OPRD1: variants seen among roughly 807,000 people sequenced by gnomAD.
OPRD1 encodes the protein delta-type opioid receptor.
In OPRD1, 19 loss-of-function variants were observed where a neutral mutation model predicts 17.5. The observed-to-expected ratio is 1.09, with a 90% CI of 0.76 to 1.60. The LOEUF (loss-of-function observed/expected upper bound fraction) is 1.60, where lower values mean the gene tolerates loss of function less well. Among genes scored for constraint, OPRD1 ranks in the 40% most tolerant of loss-of-function variants. OPRD1 has a pLI of 0.00. For synonymous variants in OPRD1, 256 were observed against 240.9 expected (o/e 1.06, Z -0.58); for missense variants, 483 against 547.2 (o/e 0.88, Z 1.17).
In OPRD1 at chr1:28,858,954, G is replaced by C. The variant is rs754696931; in HGVS notation, c.228G>C (p.Arg76=). The C allele has an allele frequency of 1.9e-6, 3 of 1,607,222 alleles. No homozygotes were observed. The highest frequency in any genetic ancestry group is 3.3e-5 in the Admixed American group (2 of 59,980). ...AATTACACATGCATTTCTTTCTAAG[G>C]TACACTAAGATGAAGACGGCCACCA... The part of the protein sequence containing the change: ...GNVLVMFGIV[R]YTKMKTATNI... Residue 76 remains arginine (R), a splice_region_variant and synonymous_variant, in exon 2 of 3, where the codon CGG becomes CGC. Coordinates refer to ENST00000234961, the MANE Select transcript of OPRD1 (RefSeq NM_000911.4).
intron 1 of OPRD1, among the ~76,000 whole-genome samples, chr1:28,832,500 C>T (rs866365576): frequency 5.9e-5 from 9 of 152,012 alleles, no homozygotes; most frequent in Non-Finnish European, 1.2e-4. Context: ...ACCTGTAGTC[C>T]CAACTTCTTG....
intron 1 of OPRD1, among the ~76,000 whole-genome samples, chr1:28,823,529 T>C (rs573027659): frequency 3.8e-4 from 58 of 152,176 alleles, no homozygotes; most frequent in African/African-American, 1.3e-3. Context: ...CCTGAGTAGC[T>C]GGGATTACAG....
chr1:28,848,369 A>G (rs540174614), intron 1 of OPRD1, among the ~76,000 whole-genome samples: 17 of 152,164 alleles, frequency 1.1e-4, no homozygotes, highest in African/African-American at 3.6e-4. Context: ...GCCATTGTTG[A>G]CCTTCTAATC....
intron 1 of OPRD1, among the ~76,000 whole-genome samples, chr1:28,858,544 CTTT>C (rs1168180514): frequency 2.2e-5 from 3 of 133,524 alleles, no homozygotes; most frequent in African/African-American, 8.4e-5. Flanking sequence ...TGCCCCAACC[CTTT>C]TTTTTTTTTT....
rs1218864880 is a variant in OPRD1 at position 28,812,533 on chromosome 1, C to A, written c.150C>A (p.Ile50=). The change falls in exon 1 of 3, where the codon ATC becomes ATA. Residue 50 remains isoleucine (I), a synonymous_variant. Transcript: ENST00000234961. ...ARSASSLALA[I]AITALYSAVC... ...GCGCCTCGTCCCTCGCCCTGGCAAT[C>A]GCCATCACCGCGCTCTACTCGGCCG... is the stretch of plus-strand genomic sequence containing the variant. 1 of 1,583,460 alleles carries A rather than the reference C, an allele frequency of 6.3e-7. No homozygotes were observed.
At chr1:28,860,639 C>T (rs1474900744) in intron 2 of OPRD1, among the ~76,000 whole-genome samples, 1 of 152,192 alleles carries the variant, frequency 6.6e-6, no homozygotes. Flanking sequence ...GGCAGGGACT[C>T]CTACCTCCAT....
intron 1 of OPRD1, among the ~76,000 whole-genome samples, chr1:28,838,455 T>C (rs1557573408): frequency 6.6e-6 from 1 of 152,046 alleles, no homozygotes; most frequent in Non-Finnish European, 1.5e-5. Context: ...AGTTTCCCCA[T>C]CTGTAAAGTG....
intron 1 of OPRD1, among the ~76,000 whole-genome samples, chr1:28,850,278 CA>C (rs2088989467): frequency 1.3e-5 from 2 of 152,046 alleles, no homozygotes; most frequent in Admixed American, 1.3e-4. Flanking sequence ...CACTTGAACC[CA>C]GGAGTTCGAG....
At chr1:28,823,015 T>A (rs1161413310) in intron 1 of OPRD1, among the ~76,000 whole-genome samples, 1 of 151,984 alleles carries the variant, frequency 6.6e-6, no homozygotes, top group Admixed American at 6.6e-5. Flanking sequence ...ATGAACAATT[T>A]ACCATCCTCT....
chr1:28,829,882 T>A (rs968278934), intron 1 of OPRD1, among the ~76,000 whole-genome samples: 5 of 151,910 alleles, frequency 3.3e-5, no homozygotes, highest in African/African-American at 1.2e-4. Flanking sequence ...GCTAATTTTT[T>A]AATTTTTTGT....
intron 1 of OPRD1, among the ~76,000 whole-genome samples, chr1:28,836,237 C>T (rs913572769): frequency 3.3e-5 from 5 of 152,054 alleles, no homozygotes; most frequent in Non-Finnish European, 7.4e-5. Context: ...ACATTTCAGC[C>T]AGGCGCGGTG....
At chr1:28,860,362 TAA>T (rs1553151572) in intron 2 of OPRD1, among the ~76,000 whole-genome samples, 907 of 49,432 alleles carry the variant, frequency 0.018, 7 homozygotes, top group African/African-American at 0.031. Flanking sequence ...GGGACTTGTC[TAA>T]AAAAAAAAAA....
At chr1:28,818,622 C>G (rs1011951477) in intron 1 of OPRD1, among the ~76,000 whole-genome samples, 1 of 152,150 alleles carries the variant, frequency 6.6e-6, no homozygotes, top group Non-Finnish European at 1.5e-5. Flanking sequence ...GCTGCAGGGA[C>G]AAAAGCAGGA....
At chr1:28,837,579 C>T (rs1016181788) in intron 1 of OPRD1, among the ~76,000 whole-genome samples, 9 of 151,900 alleles carry the variant, frequency 5.9e-5, no homozygotes, top group Non-Finnish European at 1.0e-4. Flanking sequence ...ACCCAGGAGG[C>T]GGAGCTTGCA....
At chr1:28,825,189 A>C (rs1037664537) in intron 1 of OPRD1, among the ~76,000 whole-genome samples, 6 of 152,082 alleles carry the variant, frequency 3.9e-5, no homozygotes, top group Non-Finnish European at 8.8e-5. Flanking sequence ...TGTCAAGTTC[A>C]GCCCCTCTGA....
At chr1:28,824,179 C>CAA (rs759567245) in intron 1 of OPRD1, among the ~76,000 whole-genome samples, 9 of 82,292 alleles carry the variant, frequency 1.1e-4, no homozygotes, top group Admixed American at 6.8e-4. Flanking sequence ...AACCTATCTC[C>CAA]AAAAAAAAAA....
intron 1 of OPRD1, among the ~76,000 whole-genome samples, chr1:28,813,600 C>G (rs57553462): frequency 0.11 from 16,690 of 152,156 alleles, 1,174 homozygotes; most frequent in African/African-American, 0.2. Context: ...AGTAGCCCTC[C>G]TGATACAGCC....
chr1:28,858,058 G>A (rs1441363981), intron 1 of OPRD1, among the ~76,000 whole-genome samples: 1 of 151,552 alleles, frequency 6.6e-6, no homozygotes, highest in Admixed American at 6.6e-5. Context: ...GCCTCCCAAA[G>A]TGCCGGGATT....
At chr1:28,839,626 T>G (rs2298896) in intron 1 of OPRD1, among the ~76,000 whole-genome samples, 52,163 of 151,986 alleles carry the variant, frequency 0.34, 9,164 homozygotes, top group Middle Eastern at 0.48. Flanking sequence ...TTGTTGCTGT[T>G]GTTGTTACTG....
Sources: gnomAD v4.1 joint callset for allele counts (sites outside exome capture counted in the v4.1 genomes callset) on GRCh38, gnomAD v4.1.1 for gene constraint, MANE v1.5 for transcripts, NCBI Gene and HGNC (gene_info 2026-07-23, HGNC 2026-07-21) for gene names.